The following GYPB variants were observed in gnomAD, a reference collection of about 807,000 sequenced individuals.
The protein encoded by GYPB is glycophorin-B.
A neutral mutation model predicts 15.3 loss-of-function variants in GYPB; 13 were observed. The observed-to-expected ratio is 0.85, with a 90% confidence interval of 0.55 to 1.35. The LOEUF is 1.35. Among genes scored for constraint, GYPB ranks in the 40% most tolerant of loss-of-function variants. GYPB has a pLI of 0.00. For synonymous variants in GYPB, 38 were observed against 36.9 expected (o/e 1.03, Z -0.11); for missense variants, 131 against 108.3 (o/e 1.21, Z -0.93).
intron 1 of GYPB, among the ~76,000 whole-genome samples, chr4:144,012,238 G>A (rs1188488499): frequency 6.6e-6 from 1 of 151,620 alleles, no homozygotes; most frequent in African/African-American, 2.4e-5. Flanking sequence ...AGCCAATCCT[G>A]GAACATCACT....
Position 144,002,240 on chromosome 4 carries a change from G to T in GYPB, c.38-957C>A, listed in dbSNP as rs1450754653. ...ATATAAAATTCATCTACAGTCAGCTGATGCAATGTTGAACATTTGACACAT... is the reference window on the plus strand; with the variant it reads ...ATATAAAATTCATCTACAGTCAGCTTATGCAATGTTGAACATTTGACACAT... On this transcript the variant is annotated intron_variant, in intron 1 of 4. Transcript: ENST00000502664. 4.6e-5 allele frequency among the ~76,000 whole-genome samples: 7 copies of T among 151,460 alleles called. 1 individual carries two copies. In the South Asian group the frequency reaches 6.2e-4, roughly 13 times the overall value.
At chr4:144,001,379 C>T (rs1275543322) in intron 1 of GYPB, 96 bp from the exon 2 acceptor site, 13 of 1,599,500 alleles carry the variant, frequency 8.1e-6, no homozygotes, top group Non-Finnish European at 8.5e-7. Flanking sequence ...CACATCCCTC[C>T]AGTCCCTGAG....
chr4:144,012,253 A>T (rs1250428594), intron 1 of GYPB, among the ~76,000 whole-genome samples: 7 of 151,664 alleles, frequency 4.6e-5, no homozygotes, highest in Admixed American at 6.5e-5. Context: ...ATCACTAGGT[A>T]TGGTACAGGC....
intron 3 of GYPB, 106 bp downstream of exon 3, chr4:143,999,305 A>T (rs1375383023): frequency 4.5e-6 from 3 of 672,264 alleles, no homozygotes; most frequent in East Asian, 2.8e-5. Flanking sequence ...AGTTAACAAC[A>T]TATGCTCTTC....
chr4:144,014,566 A>T (rs1235230451), intron 1 of GYPB, among the ~76,000 whole-genome samples: 4 of 151,442 alleles, frequency 2.6e-5, no homozygotes, highest in Admixed American at 1.3e-4. Context: ...TTTATATGAA[A>T]TATCTAAAAT....
intron 1 of GYPB, chr4:144,012,340 C>G (rs557025564): frequency 2.0e-5 from 3 of 151,526 alleles, no homozygotes; most frequent in Non-Finnish European, 2.9e-5. Context: ...TAGCAACTAC[C>G]TGAGACCTTG....
chr4:144,009,221 G>A (rs1728085658), intron 1 of GYPB, among the ~76,000 whole-genome samples: 2 of 151,338 alleles, frequency 1.3e-5, no homozygotes, highest in African/African-American at 4.9e-5. Context: ...TGTTTGGCCT[G>A]CAGCCTCACA....
intron 2 of GYPB, 32 bp from the exon 3 acceptor site, chr4:143,999,481 TAAGA>T (rs760637131): frequency 2.4e-6 from 3 of 1,250,024 alleles, no homozygotes; most frequent in African/African-American, 1.5e-5. Flanking sequence ...TAAGTCCAAA[TAAGA>T]AAGACATGTG....
At chr4:144,014,539 C>A (rs959632054) in intron 1 of GYPB, among the ~76,000 whole-genome samples, 2 of 151,284 alleles carry the variant, frequency 1.3e-5, no homozygotes, top group African/African-American at 4.9e-5. Context: ...CAAAAGGCTA[C>A]CTATTATATG....
At chr4:144,015,420 C>T (rs1728436025) in intron 1 of GYPB, among the ~76,000 whole-genome samples, 1 of 151,196 alleles carries the variant, frequency 6.6e-6, no homozygotes, top group African/African-American at 2.5e-5. Context: ...CTGATTTTGT[C>T]AGCACCATAT....
chr4:144,018,396 G>A lies in GYPB; in HGVS notation c.37+855C>T, dbSNP rs756724179. 1.1e-4 allele frequency among the ~76,000 whole-genome samples: 16 copies of A among 150,004 alleles called. 2 individuals carry two copies. Among genetic ancestry groups the A allele is most frequent in the African/African-American group, 4.1e-4 (16 of 39,426 alleles). On this transcript the variant is annotated intron_variant, in intron 1 of 4. Coordinates refer to ENST00000502664, the MANE Select transcript of GYPB (RefSeq NM_002100.6). Reference sequence around the variant, plus strand: ...ATCTCTCTTCCCTGTATGCTACAGAGTGCTCAGTAGATCCTTGATACTTGC... The same window carrying A: ...ATCTCTCTTCCCTGTATGCTACAGAATGCTCAGTAGATCCTTGATACTTGC...
intron 1 of GYPB, among the ~76,000 whole-genome samples, chr4:144,004,817 T>C (rs1286114105): frequency 2.0e-5 from 3 of 151,880 alleles, no homozygotes; most frequent in East Asian, 1.9e-4. Context: ...TAGACATCTG[T>C]GGACATATTC....
intron 1 of GYPB, among the ~76,000 whole-genome samples, chr4:144,004,924 A>C (rs1183743897): frequency 2.0e-5 from 3 of 151,834 alleles, no homozygotes; most frequent in Non-Finnish European, 4.4e-5. Context: ...ACTGGGTAGA[A>C]AGCATTTAAG....
chr4:144,008,660 C>T (rs1336874491), intron 1 of GYPB, among the ~76,000 whole-genome samples: 1 of 151,494 alleles, frequency 6.6e-6, no homozygotes, highest in East Asian at 1.9e-4. Context: ...ACTTCACACA[C>T]ATTAAATTTG....
At chr4:144,008,538 A>T in intron 1 of GYPB, 1 of 454,770 alleles carries the variant, frequency 2.2e-6, no homozygotes, top group South Asian at 1.5e-5. Flanking sequence ...CCAGCCAAGC[A>T]TATTCCAATC....
At chr4:144,016,965 C>CACCTTT (rs1560717514) in intron 1 of GYPB, 1 of 371,134 alleles carries the variant, frequency 2.7e-6, no homozygotes, top group Non-Finnish European at 5.2e-6. Context: ...TTTCGGCATT[C>CACCTTT]ATGTTTATCA....
Position 143,998,055 on chromosome 4 carries a change from C to A in GYPB, c.176-421G>T, listed in dbSNP as rs891980283. On this transcript the variant is annotated intron_variant, in intron 3 of 4. Coordinates refer to ENST00000502664, the MANE Select transcript of GYPB (RefSeq NM_002100.6). ...AAGAGCATTGAACAGATCATAGAAT[C>A]ATAATTTTGGAAAGAAACTGGTATA... 1.2e-4 allele frequency among the ~76,000 whole-genome samples: 18 copies of A among 151,246 alleles called. 1 individual carries two copies. The highest frequency in any genetic ancestry group is 4.4e-4 in the African/African-American group (18 of 40,614).
rs557074640 is a variant in GYPB, at chr4:144,018,911, G to T, written c.37+340C>A. Among the ~76,000 whole-genome samples the T allele has an allele frequency of 3.0e-4, 45 of 151,498 alleles. 2 individuals carry two copies. Among genetic ancestry groups the T allele is most frequent in the African/African-American group, 8.1e-4 (33 of 40,838 alleles). ...CCTTTGTTAATAACTCTTTAGTTTG[G>T]AAATGAATCTCCTTATAACTCAAAC... On this transcript the variant is annotated intron_variant, in intron 1 of 4. Transcript: ENST00000502664.
chr4:143,997,502 A>C (rs766012075), intron 4 of GYPB, 38 bp downstream of exon 4: 8 of 1,133,328 alleles, frequency 7.1e-6, no homozygotes, highest in African/African-American at 1.6e-5. Flanking sequence ...AGCTGTTCAC[A>C]CTGGTATTTA....
Sources: gnomAD v4.1 joint callset for allele counts (sites outside exome capture counted in the v4.1 genomes callset) on GRCh38, gnomAD v4.1.1 for gene constraint, MANE v1.5 for transcripts, NCBI Gene and HGNC (gene_info 2026-07-23, HGNC 2026-07-21) for gene names.